Variants in PLXDC2 observed in about 807,000 individuals in gnomAD.
The protein encoded by PLXDC2 is plexin domain-containing protein 2.
In PLXDC2, 40 loss-of-function variants were observed where a neutral mutation model predicts 68.9. The ratio of observed to expected loss-of-function variants is 0.58; its 90% CI spans 0.45 to 0.76. PLXDC2 has a LOEUF of 0.76. Among genes scored for constraint, PLXDC2 ranks in the 30% least tolerant of loss-of-function variants. PLXDC2 has a pLI of 0.00. For missense variants in PLXDC2, 644 were observed against 661.9 expected (o/e 0.97, Z 0.30); for synonymous variants, 243 against 234.2 (o/e 1.04, Z -0.34).
At chr10:20,122,996 C>G (rs1446919557) in intron 4 of PLXDC2, among the ~76,000 whole-genome samples, 2 of 152,082 alleles carry the variant, frequency 1.3e-5, no homozygotes, top group Non-Finnish European at 2.9e-5. Context: ...TAAATGCTGT[C>G]TGATTTGGGA....
chr10:19,908,683 G>A (rs888961135), intron 1 of PLXDC2, among the ~76,000 whole-genome samples: 2 of 152,108 alleles, frequency 1.3e-5, no homozygotes, highest in African/African-American at 4.8e-5. Flanking sequence ...TCTCAGTGGT[G>A]CTATGGCTTA....
intron 4 of PLXDC2, among the ~76,000 whole-genome samples, chr10:20,101,846 G>A (rs1833426257): frequency 6.6e-6 from 1 of 151,726 alleles, no homozygotes; most frequent in African/African-American, 2.4e-5. Context: ...TGCCCAGGCT[G>A]GAGTGCAGTG....
intron 1 of PLXDC2, among the ~76,000 whole-genome samples, chr10:19,823,789 C>T (rs1836523935): frequency 6.6e-6 from 1 of 152,070 alleles, no homozygotes; most frequent in Non-Finnish European, 1.5e-5. Flanking sequence ...GATTTGGAGA[C>T]CAGCCTGGGC....
At chr10:20,026,435 T>G (rs1835404303) in intron 2 of PLXDC2, among the ~76,000 whole-genome samples, 1 of 152,198 alleles carries the variant, frequency 6.6e-6, no homozygotes, top group Non-Finnish European at 1.5e-5. Context: ...ACTGGTCAAT[T>G]TAATCATGTG....
chr10:20,143,991 A>G (rs1169606233), intron 5 of PLXDC2, among the ~76,000 whole-genome samples: 1 of 118,350 alleles, frequency 8.4e-6, no homozygotes, highest in African/African-American at 3.3e-5. Flanking sequence ...TTTTTGGGAC[A>G]TATAAAATAG....
chr10:20,160,536 A>G (rs1425450012), intron 6 of PLXDC2, among the ~76,000 whole-genome samples: 1 of 152,208 alleles, frequency 6.6e-6, no homozygotes, highest in East Asian at 1.9e-4. Context: ...TGAAAGAATC[A>G]AAGATCACTT....
intron 2 of PLXDC2, among the ~76,000 whole-genome samples, chr10:20,036,898 C>A (rs1311155070): frequency 2.0e-5 from 3 of 152,176 alleles, no homozygotes; most frequent in Non-Finnish European, 4.4e-5. Context: ...GATTATGTAA[C>A]AATGCAATTG....
chr10:20,170,979 T>G (rs1005941009), intron 7 of PLXDC2, among the ~76,000 whole-genome samples: 5 of 152,048 alleles, frequency 3.3e-5, no homozygotes, highest in Admixed American at 3.3e-4. Context: ...ATAATAAATT[T>G]TCAAATATAA....
chr10:20,147,774 G>T lies in PLXDC2; in HGVS notation c.665-10G>T. The T allele has an allele frequency of 1.3e-6, 2 of 1,482,614 alleles. No individual in the cohort carries two copies. The highest frequency in any genetic ancestry group is 1.9e-6 in the Non-Finnish European group (2 of 1,077,464). 91.8% of individuals were successfully genotyped at this position (1,482,614 alleles called of 1,614,324 possible). A position where few individuals can be genotyped will look rare whatever the true frequency, so the allele number is the denominator to read the frequency against. Reference sequence around the variant, plus strand: ...TCATTGCATTTCTTCTTTTTTCAATGGGTGTATAGGCACAGCACTTGTGGT... The same window carrying T: ...TCATTGCATTTCTTCTTTTTTCAATTGGTGTATAGGCACAGCACTTGTGGT... On this transcript the variant is annotated splice_polypyrimidine_tract_variant and intron_variant, in intron 5 of 13. Transcript: ENST00000377252.
At chr10:19,975,086 A>G (rs12251110) in intron 1 of PLXDC2, among the ~76,000 whole-genome samples, 16,820 of 152,054 alleles carry the variant, frequency 0.11, 1,036 homozygotes, top group East Asian at 0.25. Flanking sequence ...TTCTCATGGT[A>G]TTTTTCTACT....
In PLXDC2 at chr10:19,870,105, C is replaced by T. The variant is rs186813123; in HGVS notation, c.112+52914C>T. Among the ~76,000 whole-genome samples the T allele has an allele frequency of 1.8e-3, 269 of 152,232 alleles. 1 individual carries two copies. Among genetic ancestry groups the T allele is most frequent in the African/African-American group, 5.5e-3 (230 of 41,544 alleles). On this transcript the variant is annotated intron_variant, in intron 1 of 13. Coordinates refer to ENST00000377252, the MANE Select transcript of PLXDC2 (RefSeq NM_032812.9). Reference sequence around the variant, plus strand: ...AAGGATTTCTTTGTAATGTTTTGCACAAATGCGACAAAGGGAACAAACTTG... The same window carrying T: ...AAGGATTTCTTTGTAATGTTTTGCATAAATGCGACAAAGGGAACAAACTTG...
chr10:20,062,895 T>G (rs867897434), intron 3 of PLXDC2, among the ~76,000 whole-genome samples: 13 of 152,140 alleles, frequency 8.5e-5, no homozygotes, highest in African/African-American at 2.7e-4. Flanking sequence ...AAAACAAATA[T>G]AATTTTTCTT....
intron 9 of PLXDC2, among the ~76,000 whole-genome samples, chr10:20,189,134 G>A (rs1834725555): frequency 1.3e-5 from 1 of 76,026 alleles, no homozygotes; most frequent in South Asian, 3.1e-4. Flanking sequence ...CTCCTTTTAA[G>A]CCTTCCAAAC....
At position 20,288,825 on chromosome 10, in the gene PLXDC2, C is replaced by T. The variant is rs926486936; in HGVS notation, c.*9006C>T. ...ATAAGAAATTTAGTGTATTGACTGC[C>T]TCAGTGACACAATTTATCTTTAAAG... On this transcript the variant is annotated 3_prime_UTR_variant, in exon 14 of 14. Coordinates refer to ENST00000377252, the MANE Select transcript of PLXDC2 (RefSeq NM_032812.9). 2.0e-5 allele frequency: 3 copies of T among 152,058 alleles called. No individual in the cohort carries two copies. The highest frequency in any genetic ancestry group is 4.4e-5 in the Non-Finnish European group (3 of 68,006). 9.4% of individuals were successfully genotyped at this position (152,058 alleles called of 1,614,324 possible).
At chr10:19,909,464 G>A (rs1414734374) in intron 1 of PLXDC2, among the ~76,000 whole-genome samples, 3 of 152,148 alleles carry the variant, frequency 2.0e-5, no homozygotes, top group Non-Finnish European at 4.4e-5. Context: ...TTTCACCAAA[G>A]TCACAAATCA....
At chr10:19,930,371 G>A (rs993505220) in intron 1 of PLXDC2, among the ~76,000 whole-genome samples, 5 of 150,306 alleles carry the variant, frequency 3.3e-5, no homozygotes, top group Admixed American at 3.3e-4. Context: ...TCTGCAAACC[G>A]CTAATAAGGT....
Position 19,879,938 on chromosome 10 carries a change from G to C in PLXDC2, c.112+62747G>C, listed in dbSNP as rs532889072. On this transcript the variant is annotated intron_variant, in intron 1 of 13. Transcript: ENST00000377252. The stretch of plus-strand genomic sequence containing the variant: ...GAGAAAAAATATTATGGTGAGTTTT[G>C]AAACAGACTTTTAGTTGTTTTGACT... 2.0e-5 allele frequency among the ~76,000 whole-genome samples: 3 copies of C among 152,202 alleles called. No individual in the cohort carries two copies. In the South Asian group the frequency reaches 6.2e-4, roughly 32 times the overall value.
chr10:20,154,230 T>C (rs1260266345), intron 6 of PLXDC2, among the ~76,000 whole-genome samples: 3 of 152,166 alleles, frequency 2.0e-5, no homozygotes, highest in Non-Finnish European at 4.4e-5. Flanking sequence ...TTGTGGTCTA[T>C]TGATAATGTA....
At chr10:20,113,603 C>A (rs867932664) in intron 4 of PLXDC2, among the ~76,000 whole-genome samples, 6 of 152,148 alleles carry the variant, frequency 3.9e-5, no homozygotes, top group South Asian at 2.1e-4. Context: ...TCTACACATT[C>A]TGGCTGAATG....
Sources: allele counts gnomAD v4.1 joint callset (sites outside exome capture counted in the v4.1 genomes callset), GRCh38; gene constraint gnomAD v4.1.1; transcripts MANE v1.5; gene names NCBI Gene and HGNC (gene_info 2026-07-23, HGNC 2026-07-21).